Variants in MNDA observed in about 807,000 individuals in gnomAD.
MNDA encodes the protein myeloid cell nuclear differentiation antigen, also known as epididymis secretory sperm binding protein.
Under a neutral mutation model 37.8 loss-of-function variants are expected in MNDA, and 43 were observed. The ratio of observed to expected loss-of-function variants is 1.14; its 90% CI spans 0.89 to 1.47. The LOEUF (loss-of-function observed/expected upper bound fraction) is 1.47, where lower values mean the gene tolerates loss of function less well. Among genes scored for constraint, MNDA ranks in the 40% most tolerant of loss-of-function variants. MNDA has a pLI of 0.00. For missense variants in MNDA, 536 were observed against 476.0 expected, an observed-to-expected ratio of 1.13 and a Z score of -1.17; for synonymous variants, 181 against 169.0, an observed-to-expected ratio of 1.07 and a Z score of -0.55.
chr1:158,834,301 C>T (rs1658866162), intron 1 of MNDA, among the ~76,000 whole-genome samples: 1 of 147,378 alleles, frequency 6.8e-6, no homozygotes, highest in South Asian at 2.1e-4. Context: ...GGCGCGATCT[C>T]GACTCACTGC....
At chr1:158,838,584 G>A (rs1445473847) in intron 1 of MNDA, among the ~76,000 whole-genome samples, 1 of 152,016 alleles carries the variant, frequency 6.6e-6, no homozygotes, top group Non-Finnish European at 1.5e-5. Flanking sequence ...GTTTATCATA[G>A]TTGCAGCTTG....
intron 6 of MNDA, among the ~76,000 whole-genome samples, chr1:158,848,294 A>G (rs1219673180): frequency 6.6e-6 from 1 of 152,188 alleles, no homozygotes; most frequent in Non-Finnish European, 1.5e-5. Context: ...TCTCCACTTC[A>G]TTGGGATGGT....
At chr1:158,846,444 T>C (rs1162153216) in intron 5 of MNDA, among the ~76,000 whole-genome samples, 5 of 152,240 alleles carry the variant, frequency 3.3e-5, no homozygotes, top group Admixed American at 3.3e-4. Flanking sequence ...TTGGCTGGTA[T>C]GCTCATAAAT....
rs749719653 is a variant in MNDA at position 158,845,930 on chromosome 1, A to C, written c.914A>C (p.Lys305Thr). 1 of 1,614,152 alleles carries C rather than the reference A, an allele frequency of 6.2e-7. No individual in the cohort carries two copies. Residue 305 changes from lysine to threonine, a missense_variant, in exon 5 of 7, where the codon AAA (lysine) becomes ACA (threonine). Lys to Thr is a moderately conservative substitution (Grantham distance 78, BLOSUM62 -1). Coordinates refer to ENST00000368141, the MANE Select transcript of MNDA (RefSeq NM_002432.3). Reference protein sequence around the residue: ...VPNRIIEIANKTPKISQLYKQ... With the variant: ...VPNRIIEIANTTPKISQLYKQ... ...AACAGAATTATCGAAATAGCAAATA[A>C]AACTCCCAAGATCAGTCAACTTTAC...
chr1:158,835,974 T>C (rs1048771985), intron 1 of MNDA, among the ~76,000 whole-genome samples: 21 of 152,034 alleles, frequency 1.4e-4, no homozygotes, highest in Non-Finnish European at 1.9e-4. Context: ...CTGTGTATTT[T>C]TCCTCATCTT....
rs769156747 is a variant in MNDA, at chr1:158,845,624, G to C, written c.608G>C (p.Arg203Thr). ...CAGGCCCAACGGCAGGTGGATGCAA[G>C]AAGAAATGTTCCCCAAAACGACCCA... ...ETQAQRQVDA[R>T]RNVPQNDPVT... The change falls in exon 5 of 7, where the codon AGA becomes ACA. Residue 203 changes from arginine (R) to threonine (T), a missense_variant. Arg to Thr is a moderately conservative substitution (Grantham distance 71, BLOSUM62 -1). Coordinates refer to ENST00000368141, the MANE Select transcript of MNDA (RefSeq NM_002432.3). 1.9e-6 allele frequency: 3 copies of C among 1,613,544 alleles called. No homozygotes were observed. Among genetic ancestry groups the C allele is most frequent in the Non-Finnish European group, 2.5e-6 (3 of 1,179,732 alleles).
At chr1:158,840,664 A>G (rs560649689) in intron 1 of MNDA, among the ~76,000 whole-genome samples, 2 of 152,302 alleles carry the variant, frequency 1.3e-5, no homozygotes, top group Admixed American at 6.5e-5. Context: ...AATTGCAGAC[A>G]TATAATTATG....
In MNDA at chr1:158,846,283, C is replaced by T. The variant is rs112025535; in HGVS notation, c.987+280C>T. On this transcript the variant is annotated intron_variant, in intron 5 of 6. Transcript: ENST00000368141. ...TAGGACAATACAGGGTCCAAATCAACGGGAGCAAGCTAATAACATCATCTC... is the reference window on the plus strand; with the variant it reads ...TAGGACAATACAGGGTCCAAATCAATGGGAGCAAGCTAATAACATCATCTC... Among the ~76,000 whole-genome samples the T allele has an allele frequency of 3.4e-3, 513 of 152,300 alleles. 3 individuals carry two copies. The highest frequency in any genetic ancestry group is 0.011 in the African/African-American group (473 of 41,566).
At position 158,845,678 on chromosome 1, in the gene MNDA, C is replaced by T. The variant is rs767300186; in HGVS notation, c.662C>T (p.Ala221Val). 5.0e-6 allele frequency: 8 copies of T among 1,614,082 alleles called. No individual in the cohort carries two copies. In the East Asian group the frequency reaches 6.7e-5, roughly 13 times the overall value. ...PVTVVVLKAT[A>V]PFKYESPENG... ...ACAGTGGTGGTACTGAAAGCAACAG[C>T]GCCATTTAAATACGAGTCCCCAGAA... is the stretch of plus-strand genomic sequence containing the variant. The change falls in exon 5 of 7, where the codon GCG becomes GTG. Residue 221 changes from alanine (A) to valine (V), a missense_variant. Ala to Val is a moderately conservative substitution (Grantham distance 64, BLOSUM62 0). Transcript: ENST00000368141.
chr1:158,844,971 G>A (rs1357879449), intron 4 of MNDA, among the ~76,000 whole-genome samples: 2 of 152,150 alleles, frequency 1.3e-5, no homozygotes, highest in Non-Finnish European at 2.9e-5. Context: ...TGTTCATGCA[G>A]AAGATCATGC....
At chr1:158,847,064 C>T (rs893276235) in intron 5 of MNDA, among the ~76,000 whole-genome samples, 1 of 152,062 alleles carries the variant, frequency 6.6e-6, no homozygotes, top group Non-Finnish European at 1.5e-5. Context: ...GAGTGGAAAA[C>T]CAAATATTGT....
At chr1:158,832,827 G>T (rs1658831352) in intron 1 of MNDA, among the ~76,000 whole-genome samples, 1 of 151,888 alleles carries the variant, frequency 6.6e-6, no homozygotes, top group South Asian at 2.1e-4. Context: ...CATATGACTG[G>T]ATTTATTTTT....
At chr1:158,843,200 A>G (rs1038136225) in intron 2 of MNDA, 79 bp from the exon 3 acceptor site, 96 of 1,491,190 alleles carry the variant, frequency 6.4e-5, no homozygotes, top group Non-Finnish European at 8.0e-5. Flanking sequence ...ACAGCAGGTA[A>G]TATTGAAACT....
At chr1:158,833,760 C>G (rs1445089414) in intron 1 of MNDA, among the ~76,000 whole-genome samples, 1 of 152,134 alleles carries the variant, frequency 6.6e-6, no homozygotes, top group African/African-American at 2.4e-5. Context: ...CATTGAAGGA[C>G]ACTTGTAATA....
chr1:158,831,854 G>A (rs1000020171), intron 1 of MNDA, among the ~76,000 whole-genome samples: 21 of 152,128 alleles, frequency 1.4e-4, no homozygotes, highest in Admixed American at 6.5e-5. Flanking sequence ...TTGGCTGGAG[G>A]ATGACTTGGT....
Position 158,845,579 on chromosome 1 carries a change from C to G in MNDA, c.571-8C>G, listed in dbSNP as rs376527209. 4 of 1,604,964 alleles carry G rather than the reference C, an allele frequency of 2.5e-6. No homozygotes were observed. Among genetic ancestry groups the G allele is most frequent in the African/African-American group, 2.7e-5 (2 of 74,248 alleles). On this transcript the variant is annotated splice_polypyrimidine_tract_variant and splice_region_variant and intron_variant, in intron 4 of 6. Transcript: ENST00000368141. ...TTAAGTTTATTTTCTTGTGTCTGCC[C>G]AACACAGAATCAGGAAACCCAGGCC... is the stretch of plus-strand genomic sequence containing the variant.
At chr1:158,840,683 C>T (rs1193149814) in intron 1 of MNDA, among the ~76,000 whole-genome samples, 1 of 152,146 alleles carries the variant, frequency 6.6e-6, no homozygotes, top group Non-Finnish European at 1.5e-5. Context: ...TGGATCAGTA[C>T]TATGTAAAAA....
At chr1:158,845,524 G>A (rs1422496680) in intron 4 of MNDA, 63 bp from the exon 5 acceptor site, 7 of 1,513,204 alleles carry the variant, frequency 4.6e-6, no homozygotes, top group Non-Finnish European at 6.2e-6. Context: ...ACAGGCGTGA[G>A]CCACCGCGCC....
At chr1:158,831,944 A>G (rs1658812468) in intron 1 of MNDA, among the ~76,000 whole-genome samples, 1 of 152,166 alleles carries the variant, frequency 6.6e-6, no homozygotes, top group Admixed American at 6.5e-5. Flanking sequence ...TAAAAAATAA[A>G]CCAGGATATA....
Sources: allele counts gnomAD v4.1 joint callset (sites outside exome capture counted in the v4.1 genomes callset), GRCh38; gene constraint gnomAD v4.1.1; transcripts MANE v1.5; gene names NCBI Gene and HGNC (gene_info 2026-07-23, HGNC 2026-07-21).